Variants in LEKR1 observed in about 807,000 individuals in gnomAD.
The protein encoded by LEKR1 is protein LEKR1.
A neutral mutation model predicts 72.4 loss-of-function variants in LEKR1; 59 were observed. The observed-to-expected ratio is 0.82, with a 90% confidence interval of 0.66 to 1.01. The LOEUF (loss-of-function observed/expected upper bound fraction) is 1.01. Ranked by LOEUF, LEKR1 falls within the 50% of genes least tolerant of loss-of-function variation. LEKR1 has a pLI of 0.00. For missense variants in LEKR1, 728 were observed against 759.2 expected (o/e 0.96, Z 0.48); for synonymous variants, 257 against 263.2 (o/e 0.98, Z 0.23).
At position 157,028,259 on chromosome 3, in the gene LEKR1, T is replaced by C. The variant is rs1359114888; in HGVS notation, c.1525T>C (p.Ser509Pro). 1.2e-6 allele frequency: 2 copies of C among 1,613,626 alleles called. No homozygotes were observed. The highest frequency in any genetic ancestry group is 1.3e-5 in the African/African-American group (1 of 75,014). Residue 509 changes from serine (S) to proline (P), a missense_variant, in exon 12 of 13, where the codon TCT (serine) becomes CCT (proline). Physicochemically the swap from Ser to Pro is moderately conservative, Grantham distance 74. Coordinates refer to ENST00000356539, the MANE Select transcript of LEKR1 (RefSeq NM_001004316.3). Reference sequence around the variant, plus strand: ...TAAAAATTTGGTTGCAGAATTTGAATCTCGCTTGAAGAAGGAAATTGACAG... The same window carrying C: ...TAAAAATTTGGTTGCAGAATTTGAACCTCGCTTGAAGAAGGAAATTGACAG... ...NLKNLVAEFE[S>P]RLKKEIDSND...
chr3:156,890,365 G>T (rs1720528644), intron 3 of LEKR1, among the ~76,000 whole-genome samples: 1 of 152,024 alleles, frequency 6.6e-6, no homozygotes, highest in Non-Finnish European at 1.5e-5. Flanking sequence ...ATTCAGAGTG[G>T]TTTCCTAAGA....
chr3:156,915,465 A>ATAGCCATTC lies in LEKR1; in HGVS notation c.264-5109_264-5108insAGCCATTCT, dbSNP rs1309011462. Among the ~76,000 whole-genome samples the ATAGCCATTC allele has an allele frequency of 5.3e-5, 8 of 151,396 alleles. No individual in the cohort carries two copies. The Admixed American group carries it at 5.3e-4, about 10-fold the overall frequency. On this transcript the variant is annotated intron_variant, in intron 3 of 12. Transcript: ENST00000356539. ...TGATAGCCATTCTGACTGGTGTGAG[A>ATAGCCATTC]TGATATCTCATCGGTGTTTTGATTT...
chr3:156,910,387 A>G (rs1015888293), intron 3 of LEKR1, among the ~76,000 whole-genome samples: 1 of 152,122 alleles, frequency 6.6e-6, no homozygotes, highest in African/African-American at 2.4e-5. Context: ...TTTGATTTTC[A>G]GTTCCTGTAT....
intron 10 of LEKR1, among the ~76,000 whole-genome samples, chr3:157,020,576 A>G (rs1365981857): frequency 6.6e-6 from 1 of 150,834 alleles, no homozygotes; most frequent in East Asian, 2.0e-4. Flanking sequence ...ATGATTTCCA[A>G]TTTCATCCAT....
chr3:156,831,771 C>T (rs960557018), intron 2 of LEKR1, among the ~76,000 whole-genome samples: 5 of 152,118 alleles, frequency 3.3e-5, no homozygotes, highest in Admixed American at 1.3e-4. Flanking sequence ...GTCCCCCTCA[C>T]GATGTGGGAA....
In LEKR1 at chr3:157,045,886, C is replaced by A; in HGVS notation, c.*136C>A. The A allele has an allele frequency of 2.5e-6, 2 of 786,568 alleles. No individual in the cohort carries two copies. Among genetic ancestry groups the A allele is most frequent in the Non-Finnish European group, 3.9e-6 (2 of 512,176 alleles). 48.7% of individuals were successfully genotyped at this position (786,568 alleles called of 1,614,324 possible). ...AAGGCATACCTATAGATGTATTTAA[C>A]AAAAGACTGTAAAAAGCTGGAAAAT... On this transcript the variant is annotated 3_prime_UTR_variant, in exon 13 of 13. Coordinates refer to ENST00000356539, the MANE Select transcript of LEKR1 (RefSeq NM_001004316.3).
At chr3:156,975,768 C>T (rs1333117985) in intron 6 of LEKR1, among the ~76,000 whole-genome samples, 4 of 152,178 alleles carry the variant, frequency 2.6e-5, no homozygotes, top group African/African-American at 9.6e-5. Context: ...GCAAAGAACA[C>T]AGTCACATCA....
intron 7 of LEKR1, among the ~76,000 whole-genome samples, chr3:156,991,869 T>A (rs1157977251): frequency 6.6e-6 from 1 of 152,242 alleles, no homozygotes; most frequent in Non-Finnish European, 1.5e-5. Context: ...CTTTTCTGAA[T>A]ACTTTTTTAC....
chr3:156,871,438 G>A (rs1350581407), intron 3 of LEKR1, among the ~76,000 whole-genome samples: 3 of 152,132 alleles, frequency 2.0e-5, no homozygotes, highest in Non-Finnish European at 2.9e-5. Flanking sequence ...TGTCTTTATA[G>A]CAGCATGATT....
intron 2 of LEKR1, among the ~76,000 whole-genome samples, chr3:156,846,430 A>G (rs1714609643): frequency 1.3e-5 from 2 of 151,636 alleles, no homozygotes; most frequent in African/African-American, 4.9e-5. Flanking sequence ...TTTTACTACT[A>G]ATTATAATAA....
intron 2 of LEKR1, among the ~76,000 whole-genome samples, chr3:156,832,109 G>A (rs115808248): frequency 1.3e-5 from 2 of 152,154 alleles, no homozygotes; most frequent in African/African-American, 4.8e-5. Flanking sequence ...ATTCATGTGT[G>A]CCAGGTTGAG....
chr3:157,012,088 T>C lies in LEKR1; in HGVS notation c.1203+582T>C, dbSNP rs150115293. ...ATGAATAGGTATTACTTTCATAATT[T>C]TAAATAATAAAAGTAATATTTTAAA... On this transcript the variant is annotated intron_variant, in intron 10 of 12. Transcript: ENST00000356539. Among the ~76,000 whole-genome samples the C allele has an allele frequency of 9.9e-5, 15 of 152,256 alleles. No homozygotes were observed. In the East Asian group the frequency reaches 2.5e-3, roughly 25 times the overall value.
chr3:156,986,981 G>A (rs1730743825), intron 7 of LEKR1, among the ~76,000 whole-genome samples: 1 of 152,006 alleles, frequency 6.6e-6, no homozygotes, highest in Non-Finnish European at 1.5e-5. Context: ...CGAATGGAGT[G>A]GCATATAGCA....
At chr3:156,890,982 C>T (rs547352798) in intron 3 of LEKR1, among the ~76,000 whole-genome samples, 88 of 151,568 alleles carry the variant, frequency 5.8e-4, no homozygotes, top group Non-Finnish European at 3.8e-4. Context: ...GCCTCAGCCT[C>T]CCGAGTAGCT....
At chr3:156,999,877 AT>A (rs946256376) in intron 9 of LEKR1, among the ~76,000 whole-genome samples, 9 of 152,144 alleles carry the variant, frequency 5.9e-5, no homozygotes, top group Non-Finnish European at 1.3e-4. Context: ...CTGAGGCTAA[AT>A]TTCTTGCTCA....
At chr3:156,846,889 T>TGCA (rs1714671383) in intron 2 of LEKR1, among the ~76,000 whole-genome samples, 2 of 152,198 alleles carry the variant, frequency 1.3e-5, no homozygotes, top group South Asian at 4.1e-4. Context: ...CTCAGCTCAC[T>TGCA]GCAGCCTCTG....
At chr3:156,957,915 T>A (rs1347277088) in intron 6 of LEKR1, among the ~76,000 whole-genome samples, 1 of 152,076 alleles carries the variant, frequency 6.6e-6, no homozygotes, top group Non-Finnish European at 1.5e-5. Context: ...TGACCCCACA[T>A]AATTTCAAGA....
chr3:156,991,322 T>G (rs1205832327), intron 7 of LEKR1, among the ~76,000 whole-genome samples: 1 of 152,034 alleles, frequency 6.6e-6, no homozygotes, highest in Non-Finnish European at 1.5e-5. Flanking sequence ...TTATATTATA[T>G]AATTGTTTTA....
chr3:156,845,238 T>C (rs1411029497), intron 2 of LEKR1, among the ~76,000 whole-genome samples: 4 of 152,112 alleles, frequency 2.6e-5, no homozygotes, highest in African/African-American at 7.2e-5. Context: ...ATAATCTAGG[T>C]ACTAGTAAGA....
Sources: gnomAD v4.1 joint callset for allele counts (sites outside exome capture counted in the v4.1 genomes callset) on GRCh38, gnomAD v4.1.1 for gene constraint, MANE v1.5 for transcripts, NCBI Gene and HGNC (gene_info 2026-07-23, HGNC 2026-07-21) for gene names.